The following CAP2 variants were observed in gnomAD, a reference collection of about 807,000 sequenced individuals.
CAP2 encodes the protein adenylyl cyclase-associated protein 2.
A neutral mutation model predicts 57.7 loss-of-function variants in CAP2; 24 were observed. The ratio of observed to expected loss-of-function variants is 0.42; its 90% CI spans 0.30 to 0.58. CAP2 has a LOEUF of 0.58. CAP2 is among the 20% of genes least tolerant of loss of function. The pLI is 0.22. For synonymous variants in CAP2, 194 were observed against 207.2 expected (o/e 0.94, Z 0.55); for missense variants, 501 against 590.3 (o/e 0.85, Z 1.57).
rs527951231 is a variant in CAP2, at chr6:17,507,235, A to G, written c.367A>G (p.Arg123Gly). The change falls in exon 5 of 13, where the codon AGA becomes GGA. Residue 123 changes from arginine to glycine, a missense_variant. By Grantham distance (125) the Arg-to-Gly change is moderately radical (BLOSUM62 -2). Coordinates refer to ENST00000229922, the MANE Select transcript of CAP2 (RefSeq NM_006366.3). ...TCAGGAAATCCAAACTTTCAGAGAG[A>G]GAAACCGGGGGAGTAACATGTTTAA... ...KIQEIQTFRE[R>G]NRGSNMFNHL... is the part of the protein sequence containing the mutation. 1.9e-6 allele frequency: 3 copies of G among 1,614,184 alleles called. No homozygotes were observed. The highest frequency in any genetic ancestry group is 2.5e-6 in the Non-Finnish European group (3 of 1,179,996).
At chr6:17,462,586 C>G (rs1056048394) in intron 3 of CAP2, among the ~76,000 whole-genome samples, 2 of 152,154 alleles carry the variant, frequency 1.3e-5, no homozygotes, top group African/African-American at 4.8e-5. Flanking sequence ...ACCCACTGCT[C>G]TGTAGTGGTT....
At chr6:17,526,528 A>G (rs1376783329) in intron 7 of CAP2, among the ~76,000 whole-genome samples, 1 of 152,154 alleles carries the variant, frequency 6.6e-6, no homozygotes, top group Non-Finnish European at 1.5e-5. Flanking sequence ...CTTGTCACCC[A>G]CTGCCTTTCA....
At chr6:17,503,582 C>T (rs1029020112) in intron 4 of CAP2, among the ~76,000 whole-genome samples, 3 of 133,010 alleles carry the variant, frequency 2.3e-5, no homozygotes, top group Admixed American at 8.7e-5. Context: ...CCAGCCTAGG[C>T]GACAAGAGCA....
At chr6:17,549,452 G>A (rs185321666) in intron 11 of CAP2, among the ~76,000 whole-genome samples, 385 of 151,732 alleles carry the variant, frequency 2.5e-3, no homozygotes, top group Non-Finnish European at 4.6e-3. Context: ...CAACAAGAGC[G>A]AAACTCCATC....
chr6:17,451,046 T>C (rs1760388688), intron 3 of CAP2, among the ~76,000 whole-genome samples: 1 of 152,048 alleles, frequency 6.6e-6, no homozygotes, highest in Non-Finnish European at 1.5e-5. Context: ...AGACTGTAAA[T>C]TTAGACTCCG....
intron 4 of CAP2, among the ~76,000 whole-genome samples, chr6:17,484,979 G>T (rs1761385288): frequency 6.6e-6 from 1 of 152,160 alleles, no homozygotes; most frequent in South Asian, 2.1e-4. Context: ...TCTCTGAAAT[G>T]ATTCCAAAAT....
intron 12 of CAP2, among the ~76,000 whole-genome samples, chr6:17,555,786 C>T (rs1221316118): frequency 1.3e-5 from 2 of 151,892 alleles, no homozygotes; most frequent in African/African-American, 2.4e-5. Context: ...AGGCTGGTCT[C>T]GAACTCCTGA....
At chr6:17,438,823 G>A (rs1234407840) in intron 3 of CAP2, among the ~76,000 whole-genome samples, 3 of 148,252 alleles carry the variant, frequency 2.0e-5, no homozygotes, top group African/African-American at 7.6e-5. Flanking sequence ...CATTTAAAAG[G>A]CTTTTTCTGC....
intron 7 of CAP2, among the ~76,000 whole-genome samples, chr6:17,534,926 C>G (rs949040897): frequency 2.0e-5 from 3 of 152,116 alleles, no homozygotes; most frequent in Admixed American, 2.0e-4. Context: ...CATGTACCCC[C>G]CTACTGCAAC....
chr6:17,443,167 A>T (rs1760141005), intron 3 of CAP2, among the ~76,000 whole-genome samples: 1 of 152,124 alleles, frequency 6.6e-6, no homozygotes, highest in South Asian at 2.1e-4. Flanking sequence ...CGGGAGGATC[A>T]TTTTAGCCCA....
intron 1 of CAP2, among the ~76,000 whole-genome samples, chr6:17,396,345 A>G (rs866632726): frequency 5.3e-5 from 8 of 152,216 alleles, no homozygotes; most frequent in African/African-American, 1.9e-4. Flanking sequence ...AAACCTGTAC[A>G]CAGATGTTGA....
At chr6:17,508,319 C>T (rs1451272154) in intron 6 of CAP2, among the ~76,000 whole-genome samples, 5 of 152,090 alleles carry the variant, frequency 3.3e-5, no homozygotes, top group Non-Finnish European at 5.9e-5. Context: ...ACCTTGCGTT[C>T]GACAGCACAA....
intron 1 of CAP2, among the ~76,000 whole-genome samples, chr6:17,397,694 C>CAAAAA (rs554131865): frequency 4.0e-4 from 28 of 70,452 alleles, no homozygotes; most frequent in East Asian, 7.3e-4. Flanking sequence ...GACTCCATAT[C>CAAAAA]AAAAAAAAAA....
At chr6:17,473,925 A>C (rs1761083806) in intron 4 of CAP2, among the ~76,000 whole-genome samples, 1 of 152,200 alleles carries the variant, frequency 6.6e-6, no homozygotes, top group South Asian at 2.1e-4. Flanking sequence ...TAAGTACTAA[A>C]ACTACAAATA....
At chr6:17,433,579 C>T (rs1452533299) in intron 3 of CAP2, among the ~76,000 whole-genome samples, 2 of 152,216 alleles carry the variant, frequency 1.3e-5, no homozygotes, top group African/African-American at 4.8e-5. Context: ...GAGAATGCTG[C>T]CTCCAGGACA....
At chr6:17,514,959 AG>A (rs1387583504) in intron 7 of CAP2, among the ~76,000 whole-genome samples, 2 of 152,084 alleles carry the variant, frequency 1.3e-5, no homozygotes, top group Admixed American at 6.6e-5. Context: ...GCACTTTGGG[AG>A]GCCAAGGTGA....
At chr6:17,539,848 G>C (rs1054555804) in intron 8 of CAP2, among the ~76,000 whole-genome samples, 1 of 152,230 alleles carries the variant, frequency 6.6e-6, no homozygotes, top group Non-Finnish European at 1.5e-5. Flanking sequence ...GGGAGGCCAA[G>C]GCAGGCCTAT....
At chr6:17,458,499 T>C (rs115977999) in intron 3 of CAP2, among the ~76,000 whole-genome samples, 72 of 152,324 alleles carry the variant, frequency 4.7e-4, no homozygotes, top group African/African-American at 1.7e-3. Flanking sequence ...GAAACAAGAA[T>C]AAGGTGTTCG....
chr6:17,397,147 C>A (rs1244381409), intron 1 of CAP2, among the ~76,000 whole-genome samples: 1 of 152,104 alleles, frequency 6.6e-6, no homozygotes. Flanking sequence ...ACAACCTCCG[C>A]CTCTCAGGTT....
Sources: gnomAD v4.1 joint callset for allele counts (sites outside exome capture counted in the v4.1 genomes callset) on GRCh38, gnomAD v4.1.1 for gene constraint, MANE v1.5 for transcripts, NCBI Gene and HGNC (gene_info 2026-07-23, HGNC 2026-07-21) for gene names.